Variants in SLCO3A1 observed in about 807,000 individuals in gnomAD.
SLCO3A1 encodes the protein solute carrier organic anion transporter family member 3A1.
A neutral mutation model predicts 63.1 loss-of-function variants in SLCO3A1; 27 were observed. That is an observed-to-expected ratio of 0.43 (90% CI 0.32 to 0.59). The LOEUF is 0.59. SLCO3A1 is among the 20% of genes least tolerant of loss of function. SLCO3A1 has a pLI of 0.09. For synonymous variants in SLCO3A1, 473 were observed against 409.9 expected, an observed-to-expected ratio of 1.15 and a Z score of -1.86; for missense variants, 773 against 945.8, an observed-to-expected ratio of 0.82 and a Z score of 2.40.
At chr15:92,044,688 C>T (rs765950537) in intron 2 of SLCO3A1, among the ~76,000 whole-genome samples, 3 of 152,270 alleles carry the variant, frequency 2.0e-5, no homozygotes, top group Middle Eastern at 3.4e-3. Flanking sequence ...CTTCTTAAGT[C>T]GTCACCTGCC....
At chr15:92,016,245 A>ATAGATAGATAGAT (rs2046429651) in intron 2 of SLCO3A1, among the ~76,000 whole-genome samples, 2 of 55,022 alleles carry the variant, frequency 3.6e-5, no homozygotes, top group South Asian at 1.0e-3. Flanking sequence ...AGATAGATAG[A>ATAGATAGATAGAT]TAGATAGATT....
At chr15:91,906,987 G>T (rs1898327341) in intron 1 of SLCO3A1, among the ~76,000 whole-genome samples, 1 of 151,552 alleles carries the variant, frequency 6.6e-6, no homozygotes, top group Non-Finnish European at 1.5e-5. Flanking sequence ...ATGAATCAAT[G>T]AACATAAAAA....
intron 9 of SLCO3A1, among the ~76,000 whole-genome samples, chr15:92,151,924 C>T (rs1441142737): frequency 6.6e-6 from 1 of 152,094 alleles, no homozygotes; most frequent in Non-Finnish European, 1.5e-5. Flanking sequence ...TGGCAGCAAC[C>T]CAAAAGCCCA....
intron 4 of SLCO3A1, among the ~76,000 whole-genome samples, chr15:92,117,297 A>G (rs183543183): frequency 6.6e-6 from 1 of 152,352 alleles, no homozygotes; most frequent in East Asian, 1.9e-4. Context: ...TAATCAGCAA[A>G]TGCTGGAGGT....
chr15:91,880,063 A>T (rs1761761475), intron 1 of SLCO3A1, among the ~76,000 whole-genome samples: 2 of 151,928 alleles, frequency 1.3e-5, no homozygotes, highest in Admixed American at 1.3e-4. Context: ...AGTGCTCCAG[A>T]TAGATAGATA....
chr15:92,145,800 G>A (rs1179654090), intron 7 of SLCO3A1, among the ~76,000 whole-genome samples: 2 of 152,208 alleles, frequency 1.3e-5, no homozygotes, highest in African/African-American at 4.8e-5. Context: ...CTGAGGGGAA[G>A]GGTGGAGCCC....
At chr15:92,001,659 T>A (rs62009552) in intron 2 of SLCO3A1, among the ~76,000 whole-genome samples, 2,180 of 152,218 alleles carry the variant, frequency 0.014, 26 homozygotes, top group Non-Finnish European at 0.023. Flanking sequence ...AAAACAAACA[T>A]GTGCTGTTTA....
In SLCO3A1 at chr15:92,104,397, C is replaced by G; in HGVS notation, c.864C>G (p.Ser288=). The G allele has an allele frequency of 2.5e-6, 4 of 1,614,168 alleles. No homozygotes were observed. The highest frequency in any genetic ancestry group is 3.4e-6 in the Non-Finnish European group (4 of 1,180,034). Residue 288 remains serine, a synonymous_variant, in exon 4 of 10, where the codon TCC becomes TCG. Coordinates refer to ENST00000318445, the MANE Select transcript of SLCO3A1 (RefSeq NM_013272.4). ...SSLLMFGFPQ[S]LPPHSEPAME... ...TCTTGATGTTTGGGTTTCCACAGTC[C>G]CTGCCCCCGCACTCAGAGCCCGCCA... is the stretch of plus-strand genomic sequence containing the variant.
intron 2 of SLCO3A1, among the ~76,000 whole-genome samples, chr15:92,053,681 TTTG>T (rs368302076): frequency 6.3e-5 from 9 of 143,204 alleles, no homozygotes; most frequent in Non-Finnish European, 1.1e-4. Context: ...GTTTTGTTTT[TTTG>T]TTTGTTTGTT....
chr15:92,147,307 A>G, intron 8 of SLCO3A1, 148 bp downstream of exon 8: 1 of 732,990 alleles, frequency 1.4e-6, no homozygotes, highest in Non-Finnish European at 2.2e-6. Context: ...CTAGGCTGAT[A>G]GGAATCAATT....
intron 2 of SLCO3A1, among the ~76,000 whole-genome samples, chr15:91,926,604 C>CGCGCGCGCGT (rs1336844662): frequency 4.6e-5 from 2 of 43,622 alleles, no homozygotes; most frequent in African/African-American, 2.3e-4. Flanking sequence ...TGTGCGCGCG[C>CGCGCGCGCGT]GCACGCCCAT....
At chr15:92,074,758 G>A (rs527282290) in intron 2 of SLCO3A1, among the ~76,000 whole-genome samples, 4 of 134,934 alleles carry the variant, frequency 3.0e-5, no homozygotes, top group South Asian at 4.8e-4. Context: ...TGGGAATCTC[G>A]AGAGAGCTGA....
At chr15:92,029,850 T>C (rs1374137926) in intron 2 of SLCO3A1, among the ~76,000 whole-genome samples, 2 of 146,824 alleles carry the variant, frequency 1.4e-5, no homozygotes, top group East Asian at 4.1e-4. Context: ...TCTCACGTTA[T>C]GAGAGATAAA....
In SLCO3A1 at chr15:91,986,590, TA is replaced by T. The variant is rs1039807437; in HGVS notation, c.646+70147del. Among the ~76,000 whole-genome samples the T allele has an allele frequency of 6.6e-3, 962 of 145,378 alleles. 7 individuals carry two copies. Among genetic ancestry groups the T allele is most frequent in the African/African-American group, 0.018 (718 of 40,222 alleles). Reference sequence around the variant, plus strand: ...TACTAGTGAGACGTTTACATTCTTTTAAAAAAAAAAAAAAACTAGGTTTCAA... The same window carrying T: ...TACTAGTGAGACGTTTACATTCTTTTAAAAAAAAAAAAAACTAGGTTTCAA... On this transcript the variant is annotated intron_variant, in intron 2 of 9. Transcript: ENST00000318445.
At chr15:92,098,894 A>G (rs1395197593) in intron 3 of SLCO3A1, among the ~76,000 whole-genome samples, 1 of 152,186 alleles carries the variant, frequency 6.6e-6, no homozygotes, top group Non-Finnish European at 1.5e-5. Flanking sequence ...GCACACAATA[A>G]ATACTTATAA....
chr15:92,019,569 T>G (rs934167078), intron 2 of SLCO3A1, among the ~76,000 whole-genome samples: 2 of 152,202 alleles, frequency 1.3e-5, no homozygotes, highest in African/African-American at 4.8e-5. Flanking sequence ...AGCAGGAAAC[T>G]TGAACTGCAT....
chr15:91,932,731 C>T (rs1314444003), intron 2 of SLCO3A1, among the ~76,000 whole-genome samples: 1 of 152,230 alleles, frequency 6.6e-6, no homozygotes, highest in Non-Finnish European at 1.5e-5. Context: ...GCGTGAGCCA[C>T]CGTGCCCGGC....
rs550600825 is a variant in SLCO3A1, at chr15:91,904,932, G to A, written c.181-11061G>A. 5.3e-5 allele frequency among the ~76,000 whole-genome samples: 8 copies of A among 152,296 alleles called. No homozygotes were observed. The South Asian group carries it at 1.7e-3, about 32-fold the overall frequency. ...CCTACCTCTCTGATGGTTTGCTCTT[G>A]AGGAATTTACATACAATGATTTTGT... On this transcript the variant is annotated intron_variant, in intron 1 of 9. Coordinates refer to ENST00000318445, the MANE Select transcript of SLCO3A1 (RefSeq NM_013272.4).
intron 2 of SLCO3A1, among the ~76,000 whole-genome samples, chr15:92,009,123 G>A (rs1288320510): frequency 1.3e-5 from 2 of 152,226 alleles, no homozygotes; most frequent in Non-Finnish European, 1.5e-5. Context: ...CATCATCCAA[G>A]TCAAGGTCAA....
Sources: allele counts gnomAD v4.1 joint callset (sites outside exome capture counted in the v4.1 genomes callset), GRCh38; gene constraint gnomAD v4.1.1; transcripts MANE v1.5; gene names NCBI Gene and HGNC (gene_info 2026-07-23, HGNC 2026-07-21).